Variants in CTIF observed in about 807,000 individuals in gnomAD.
CTIF encodes cap binding complex dependent translation initiation factor.
CTIF carries 21 observed loss-of-function variants against 66.0 expected under a neutral mutation model. The ratio of observed to expected loss-of-function variants is 0.32; its 90% CI spans 0.23 to 0.46. CTIF has a LOEUF of 0.46. Among genes scored for constraint, CTIF ranks in the 20% least tolerant of loss-of-function variants. The pLI is 1.00. For missense variants in CTIF, 739 were observed against 812.7 expected (o/e 0.91, Z 1.10); for synonymous variants, 345 against 326.4 (o/e 1.06, Z -0.62).
At chr18:48,693,161 G>T (rs72909797) in intron 6 of CTIF, among the ~76,000 whole-genome samples, 2 of 152,196 alleles carry the variant, frequency 1.3e-5, no homozygotes, top group Non-Finnish European at 2.9e-5. Flanking sequence ...GATCTTGGCA[G>T]ACCATGGTGA....
In CTIF at chr18:48,648,502, CAA is replaced by C. The variant is rs1598801548; in HGVS notation, c.252+11819_252+11820del. ...ACACACACACACGCACACACACACA[CAA>C]ACACACACATGGTGTTGCCATGATA... On this transcript the variant is annotated intron_variant, in intron 3 of 11. Coordinates refer to ENST00000256413, the MANE Select transcript of CTIF (RefSeq NM_014772.3). Among the ~76,000 whole-genome samples, 7 of 152,204 alleles carry C rather than the reference CAA, an allele frequency of 4.6e-5. No homozygotes were observed. In the South Asian group the frequency reaches 1.5e-3, roughly 32 times the overall value.
intron 9 of CTIF, among the ~76,000 whole-genome samples, chr18:48,762,358 G>A (rs575850818): frequency 1.3e-5 from 2 of 152,298 alleles, no homozygotes; most frequent in Admixed American, 1.3e-4. Context: ...GGGAGTAGGC[G>A]CGTGCACTTG....
Position 48,862,980 on chromosome 18 carries a change from A to C in CTIF, c.*3421A>C, listed in dbSNP as rs991240025. On this transcript the variant is annotated 3_prime_UTR_variant, in exon 12 of 12. Coordinates refer to ENST00000256413, the MANE Select transcript of CTIF (RefSeq NM_014772.3). ...TTTGAGGACACAGATCAGAAGAAAG[A>C]AAGACAACTTTCCTCTGCGCGGAAC... 1 of 152,288 alleles carries C rather than the reference A, an allele frequency of 6.6e-6. No homozygotes were observed. The highest frequency in any genetic ancestry group is 2.1e-4 in the South Asian group (1 of 4,834). The allele number at this position is 152,288 out of a possible 1,614,324, so 9.4% of individuals were successfully genotyped here.
intron 7 of CTIF, among the ~76,000 whole-genome samples, chr18:48,745,687 T>C (rs1397817535): frequency 6.6e-6 from 1 of 152,258 alleles, no homozygotes; most frequent in Non-Finnish European, 1.5e-5. Context: ...ATACACGGGC[T>C]GTCTCCTAGC....
At chr18:48,694,822 G>A (rs952862111) in intron 6 of CTIF, among the ~76,000 whole-genome samples, 1 of 151,884 alleles carries the variant, frequency 6.6e-6, no homozygotes, top group African/African-American at 2.4e-5. Flanking sequence ...GGAGTCGATT[G>A]TCTAATTTAC....
chr18:48,783,794 G>A (rs545662744), intron 9 of CTIF, among the ~76,000 whole-genome samples: 1 of 152,108 alleles, frequency 6.6e-6, no homozygotes, highest in Non-Finnish European at 1.5e-5. Flanking sequence ...GAAACCTGCG[G>A]AGGCTGCCTC....
intron 6 of CTIF, among the ~76,000 whole-genome samples, chr18:48,681,741 C>T (rs2091746243): frequency 6.6e-6 from 1 of 152,134 alleles, no homozygotes; most frequent in Non-Finnish European, 1.5e-5. Context: ...CTTCCCACCT[C>T]ATCCACCTGC....
At chr18:48,673,158 A>G (rs2091564724) in intron 6 of CTIF, among the ~76,000 whole-genome samples, 1 of 152,096 alleles carries the variant, frequency 6.6e-6, no homozygotes, top group Non-Finnish European at 1.5e-5. Context: ...CATAACTGCC[A>G]GACTCCCTTC....
chr18:48,781,188 G>A (rs1389004501), intron 9 of CTIF, among the ~76,000 whole-genome samples: 3 of 152,192 alleles, frequency 2.0e-5, no homozygotes, highest in Admixed American at 6.5e-5. Context: ...TCCTGGCTCC[G>A]GCCCCAGCGC....
Position 48,650,431 on chromosome 18 carries a change from AAAG to A in CTIF, c.253-13318_253-13316del, listed in dbSNP as rs569926918. On this transcript the variant is annotated intron_variant, in intron 3 of 11. Transcript: ENST00000256413. ...AAGTGAGAAGAGAAGTTTAGAGAAA[AAAG>A]AATAAAAAGAAACAAACAAAGCCTC... Among the ~76,000 whole-genome samples the A allele has an allele frequency of 1.1e-3, 169 of 152,326 alleles. 1 individual carries two copies. The highest frequency in any genetic ancestry group is 6.8e-3 in the Middle Eastern group (2 of 294).
Position 48,565,732 on chromosome 18 carries a change from C to G in CTIF, c.-29+26420C>G, listed in dbSNP as rs1159423782. 2.6e-5 allele frequency: 4 copies of G among 152,282 alleles called. No homozygotes were observed. The East Asian group carries it at 5.8e-4, about 22-fold the overall frequency. 9.4% of individuals were successfully genotyped at this position (152,282 alleles called of 1,614,324 possible). On this transcript the variant is annotated intron_variant, in intron 1 of 11. Transcript: ENST00000256413. ...CCTGGCACACAACCATGCAAGCTCT[C>G]AGGAGGGTAGTGCCCCGTACCTCCA...
chr18:48,661,248 A>C (rs2091340765), intron 3 of CTIF, among the ~76,000 whole-genome samples: 1 of 152,204 alleles, frequency 6.6e-6, no homozygotes, highest in Admixed American at 6.5e-5. Flanking sequence ...GCCAGAGAAC[A>C]TTGGGTATTT....
chr18:48,716,285 A>G (rs917712928), intron 7 of CTIF, among the ~76,000 whole-genome samples: 3 of 152,338 alleles, frequency 2.0e-5, no homozygotes, highest in Middle Eastern at 3.4e-3. Flanking sequence ...AGCAACCAGA[A>G]CGCTGTGCAT....
intron 9 of CTIF, among the ~76,000 whole-genome samples, chr18:48,771,071 G>A (rs985698462): frequency 3.9e-5 from 6 of 152,116 alleles, no homozygotes; most frequent in Non-Finnish European, 5.9e-5. Context: ...CTTCCTGGGC[G>A]GTGGGCCCAG....
At chr18:48,630,369 G>A (rs757827738) in intron 2 of CTIF, among the ~76,000 whole-genome samples, 9 of 152,104 alleles carry the variant, frequency 5.9e-5, no homozygotes, top group Admixed American at 2.0e-4. Flanking sequence ...TTCTTTTGTC[G>A]CTTAGAAGTT....
At chr18:48,670,835 C>A in intron 6 of CTIF, 91 bp downstream of exon 6, 1 of 1,120,542 alleles carries the variant, frequency 8.9e-7, no homozygotes, top group Non-Finnish European at 1.3e-6. Context: ...AGCACTCCTT[C>A]TGGCTGCTTG....
intron 1 of CTIF, chr18:48,565,292 C>T (rs2089254773): frequency 6.6e-6 from 1 of 152,128 alleles, no homozygotes; most frequent in Non-Finnish European, 1.5e-5. Flanking sequence ...GTTTGTGCTT[C>T]CTGGCTGTCA....
chr18:48,606,433 G>A (rs1008279049), intron 1 of CTIF, among the ~76,000 whole-genome samples: 2 of 152,234 alleles, frequency 1.3e-5, no homozygotes, highest in African/African-American at 4.8e-5. Context: ...GGTGATGCAT[G>A]CTCTGCCTAA....
intron 1 of CTIF, among the ~76,000 whole-genome samples, chr18:48,544,399 T>TA (rs2088697010): frequency 6.6e-6 from 1 of 152,218 alleles, no homozygotes; most frequent in East Asian, 1.9e-4. Flanking sequence ...AGAGCAGGGA[T>TA]ATGAACCCTG....
Sources: allele counts gnomAD v4.1 joint callset (sites outside exome capture counted in the v4.1 genomes callset), GRCh38; gene constraint gnomAD v4.1.1; transcripts MANE v1.5; gene names NCBI Gene and HGNC (gene_info 2026-07-23, HGNC 2026-07-21).